Variants in ANKRD12 observed in about 807,000 individuals in gnomAD.
The protein encoded by ANKRD12 is ankyrin repeat domain-containing protein 12.
In ANKRD12, 85 loss-of-function variants were observed where a neutral mutation model predicts 183.4. The observed-to-expected ratio is 0.46, with a 90% CI of 0.39 to 0.56. The LOEUF (loss-of-function observed/expected upper bound fraction) is 0.56. Among genes scored for constraint, ANKRD12 ranks in the 20% least tolerant of loss-of-function variants. ANKRD12 has a pLI of 0.00. For synonymous variants in ANKRD12, 914 were observed against 800.2 expected (o/e 1.14, Z -2.40); for missense variants, 2,405 against 2,357.1 (o/e 1.02, Z -0.42).
intron 1 of ANKRD12, among the ~76,000 whole-genome samples, chr18:9,175,394 T>C (rs1598458665): frequency 6.6e-6 from 1 of 152,108 alleles, no homozygotes; most frequent in South Asian, 2.1e-4. Flanking sequence ...CTGAGTTGTC[T>C]TTCTCTGTTA....
intron 5 of ANKRD12, 99 bp downstream of exon 5, chr18:9,208,902 T>C (rs2035628022): frequency 1.7e-6 from 2 of 1,184,188 alleles, no homozygotes; most frequent in Non-Finnish European, 2.3e-6. Flanking sequence ...TAATTTTTAT[T>C]CTTTCTTGGA....
At chr18:9,176,826 G>A (rs1328588870) in intron 1 of ANKRD12, among the ~76,000 whole-genome samples, 1 of 151,834 alleles carries the variant, frequency 6.6e-6, no homozygotes, top group African/African-American at 2.4e-5. Context: ...AAGTAGTTAT[G>A]CCATTTAAAA....
intron 8 of ANKRD12, among the ~76,000 whole-genome samples, chr18:9,225,616 T>G (rs1242219799): frequency 1.3e-5 from 2 of 152,216 alleles, no homozygotes; most frequent in Non-Finnish European, 2.9e-5. Context: ...GTTTTCGTCA[T>G]CACCAGAACC....
Position 9,279,440 on chromosome 18 carries a change from A to G in ANKRD12, c.5908-109A>G, listed in dbSNP as rs551069098. On this transcript the variant is annotated intron_variant, in intron 11 of 12. Coordinates refer to ENST00000262126, the MANE Select transcript of ANKRD12 (RefSeq NM_015208.5). Reference sequence around the variant, plus strand: ...ATTCAATTTATATATTTCTCAAAATATATTTTCATCGTTACTAAGAAAGCA... The same window carrying G: ...ATTCAATTTATATATTTCTCAAAATGTATTTTCATCGTTACTAAGAAAGCA... The G allele has an allele frequency of 2.7e-4, 181 of 679,988 alleles. 4 individuals are homozygous for G. The South Asian group carries it at 3.1e-3, about 12-fold the overall frequency. 42.1% of individuals were successfully genotyped at this position (679,988 alleles called of 1,614,324 possible).
rs979202552 is a variant in ANKRD12 at position 9,283,098 on chromosome 18, G to T, written c.*1972G>T. The T allele has an allele frequency of 2.0e-5, 3 of 152,414 alleles. No individual in the cohort carries two copies. Among genetic ancestry groups the T allele is most frequent in the African/African-American group, 7.2e-5 (3 of 41,440 alleles). 9.4% of individuals were successfully genotyped at this position (152,414 alleles called of 1,614,324 possible). On this transcript the variant is annotated 3_prime_UTR_variant, in exon 13 of 13. Coordinates refer to ENST00000262126, the MANE Select transcript of ANKRD12 (RefSeq NM_015208.5). ...TACTGCAAAGTTTGTTTATACTTTT[G>T]CCTAAAAAGGAAATTGGATGGGATA...
chr18:9,262,667 G>T (rs949379594), intron 9 of ANKRD12, among the ~76,000 whole-genome samples: 1 of 151,144 alleles, frequency 6.6e-6, no homozygotes, highest in African/African-American at 2.4e-5. Flanking sequence ...TCAATATGTT[G>T]CCCAGGCTGG....
chr18:9,142,294 C>A (rs950206137), intron 1 of ANKRD12, among the ~76,000 whole-genome samples: 1 of 152,176 alleles, frequency 6.6e-6, no homozygotes, highest in African/African-American at 2.4e-5. Flanking sequence ...CTTTTTACAT[C>A]TGATTCTCTT....
intron 10 of ANKRD12, among the ~76,000 whole-genome samples, chr18:9,265,983 T>A (rs1189894403): frequency 6.6e-6 from 1 of 152,206 alleles, no homozygotes; most frequent in African/African-American, 2.4e-5. Flanking sequence ...TGCACAAGCT[T>A]CAGTAGCCGA....
At chr18:9,230,080 ACTT>A (rs2036954807) in intron 8 of ANKRD12, among the ~76,000 whole-genome samples, 1 of 152,008 alleles carries the variant, frequency 6.6e-6, no homozygotes, top group South Asian at 2.1e-4. Flanking sequence ...AATTCTTTGT[ACTT>A]CTTTGTGGTA....
intron 8 of ANKRD12, among the ~76,000 whole-genome samples, chr18:9,253,984 T>G (rs1303228916): frequency 1.3e-5 from 2 of 152,152 alleles, no homozygotes; most frequent in African/African-American, 4.8e-5. Context: ...TTTAGAAGTG[T>G]CAAAAGGAGC....
chr18:9,204,553 A>G lies in ANKRD12; in HGVS notation c.304+9A>G, dbSNP rs1237073375. Reference sequence around the variant, plus strand: ...TTACAGGACATACTCAGGTAATTAGATTATCAGGTGTTCCTGTTTAGCCAG... The same window carrying G: ...TTACAGGACATACTCAGGTAATTAGGTTATCAGGTGTTCCTGTTTAGCCAG... On this transcript the variant is annotated intron_variant, in intron 4 of 12. Coordinates refer to ENST00000262126, the MANE Select transcript of ANKRD12 (RefSeq NM_015208.5). The G allele has an allele frequency of 1.3e-6, 2 of 1,558,368 alleles. No homozygotes were observed. Among genetic ancestry groups the G allele is most frequent in the African/African-American group, 1.4e-5 (1 of 72,390 alleles).
In ANKRD12 at chr18:9,268,138, C is replaced by T. The variant is rs950314976; in HGVS notation, c.5763+4250C>T. ...GAGGCAATAATTAATAGCTTACCAA[C>T]GAAAAAAAGTCCAGGACCAGATGGA... is the stretch of plus-strand genomic sequence containing the variant. On this transcript the variant is annotated intron_variant, in intron 10 of 12. Coordinates refer to ENST00000262126, the MANE Select transcript of ANKRD12 (RefSeq NM_015208.5). 7.1e-4 allele frequency among the ~76,000 whole-genome samples: 108 copies of T among 152,118 alleles called. 1 individual carries two copies. The highest frequency in any genetic ancestry group is 2.3e-3 in the African/African-American group (96 of 41,496).
At position 9,204,556 on chromosome 18, in the gene ANKRD12, A is replaced by T. The variant is rs142497652; in HGVS notation, c.304+12A>T. The T allele has an allele frequency of 5.2e-3, 8,004 of 1,553,508 alleles. 27 individuals carry two copies. The highest frequency in any genetic ancestry group is 6.5e-3 in the Non-Finnish European group (7,468 of 1,140,876). ...CAGGACATACTCAGGTAATTAGATT[A>T]TCAGGTGTTCCTGTTTAGCCAGTGG... On this transcript the variant is annotated intron_variant, in intron 4 of 12. Coordinates refer to ENST00000262126, the MANE Select transcript of ANKRD12 (RefSeq NM_015208.5).
At chr18:9,194,906 A>C (rs1159748942) in intron 2 of ANKRD12, among the ~76,000 whole-genome samples, 1 of 152,198 alleles carries the variant, frequency 6.6e-6, no homozygotes, top group Non-Finnish European at 1.5e-5. Flanking sequence ...AGCACTACTC[A>C]CAGTAGCAAA....
At chr18:9,154,038 G>C (rs561683075) in intron 1 of ANKRD12, among the ~76,000 whole-genome samples, 1 of 152,124 alleles carries the variant, frequency 6.6e-6, no homozygotes, top group Non-Finnish European at 1.5e-5. Context: ...CATTAATTCT[G>C]CTTTGTATAC....
intron 8 of ANKRD12, chr18:9,239,624 T>A: frequency 1.4e-6 from 1 of 690,118 alleles, no homozygotes; most frequent in Non-Finnish European, 2.2e-6. Flanking sequence ...ATTTATTACT[T>A]AATTTACATG....
In ANKRD12 at chr18:9,156,155, AG is replaced by A. The variant is rs2030419369; in HGVS notation, c.-52+19191del. On this transcript the variant is annotated intron_variant, in intron 1 of 12. Transcript: ENST00000262126. Reference sequence around the variant, plus strand: ...TCTGTCTCAAAAAAAAAAAAAAAAAAGAAAAAGACTTTTGACTTTTATGTCA... The same window carrying A: ...TCTGTCTCAAAAAAAAAAAAAAAAAAAAAAAGACTTTTGACTTTTATGTCA... Among the ~76,000 whole-genome samples the A allele has an allele frequency of 7.3e-5, 11 of 150,510 alleles. No homozygotes were observed. In the South Asian group the frequency reaches 1.5e-3, roughly 20 times the overall value.
intron 8 of ANKRD12, chr18:9,249,896 A>C (rs1019083929): frequency 6.6e-6 from 1 of 152,238 alleles, no homozygotes; most frequent in Non-Finnish European, 1.5e-5. Context: ...TATTATGGCT[A>C]ATGTGTGTAG....
At chr18:9,185,082 A>ATT (rs2033955672) in intron 2 of ANKRD12, among the ~76,000 whole-genome samples, 1 of 152,226 alleles carries the variant, frequency 6.6e-6, no homozygotes, top group East Asian at 1.9e-4. Context: ...AGGAAAGTGA[A>ATT]AGTAAAGGGT....
Sources: gnomAD v4.1 joint callset for allele counts (sites outside exome capture counted in the v4.1 genomes callset) on GRCh38, gnomAD v4.1.1 for gene constraint, MANE v1.5 for transcripts, NCBI Gene and HGNC (gene_info 2026-07-23, HGNC 2026-07-21) for gene names.